Variants in ADAM9 observed in about 807,000 individuals in gnomAD.
ADAM9 encodes the protein ADAM metallopeptidase domain 9.
Under a neutral mutation model 108.1 loss-of-function variants are expected in ADAM9, and 54 were observed. That is an observed-to-expected ratio of 0.50 (90% CI 0.40 to 0.63). The LOEUF (loss-of-function observed/expected upper bound fraction) is 0.63, where lower values mean the gene tolerates loss of function less well. ADAM9 is among the 20% of genes least tolerant of loss of function. The pLI is 0.00. For synonymous variants in ADAM9, 316 were observed against 336.0 expected, an observed-to-expected ratio of 0.94 and a Z score of 0.65; for missense variants, 830 against 997.7, an observed-to-expected ratio of 0.83 and a Z score of 2.26.
intron 14 of ADAM9, among the ~76,000 whole-genome samples, chr8:39,068,027 G>A (rs544508897): frequency 2.6e-5 from 4 of 152,254 alleles, no homozygotes; most frequent in African/African-American, 9.6e-5. Context: ...CTTTGGTTCC[G>A]TTTATATGCT....
At chr8:39,000,667 C>G (rs1304428784) in intron 1 of ADAM9, among the ~76,000 whole-genome samples, 1 of 151,946 alleles carries the variant, frequency 6.6e-6, no homozygotes, top group Non-Finnish European at 1.5e-5. Context: ...CAATCTTGCT[C>G]TGTTGCCCAG....
chr8:39,068,137 C>T (rs1298400013), intron 14 of ADAM9, among the ~76,000 whole-genome samples: 1 of 152,124 alleles, frequency 6.6e-6, no homozygotes, highest in East Asian at 1.9e-4. Context: ...GAGTTTCCAT[C>T]TTTCACATTA....
intron 11 of ADAM9, among the ~76,000 whole-genome samples, chr8:39,036,831 T>C (rs899043015): frequency 1.2e-4 from 19 of 152,168 alleles, no homozygotes; most frequent in African/African-American, 4.6e-4. Context: ...GATTTTGTTA[T>C]GCTTTTTAGT....
chr8:39,082,565 C>A, intron 16 of ADAM9, 76 bp from the exon 17 acceptor site: 1 of 1,061,720 alleles, frequency 9.4e-7, no homozygotes, highest in Non-Finnish European at 1.4e-6. Context: ...TAATCTGTAC[C>A]CAGGTCTTTT....
chr8:39,087,088 C>T (rs950686775), intron 18 of ADAM9, among the ~76,000 whole-genome samples: 4 of 152,210 alleles, frequency 2.6e-5, no homozygotes, highest in African/African-American at 9.6e-5. Context: ...CCCTTTGGTA[C>T]TTTGCCTAGG....
Position 39,044,845 on chromosome 8 carries a change from G to T in ADAM9, c.1302+2728G>T, listed in dbSNP as rs112864261. Among the ~76,000 whole-genome samples the T allele has an allele frequency of 1.4e-3, 210 of 151,300 alleles. 1 individual carries two copies. Among genetic ancestry groups the T allele is most frequent in the African/African-American group, 5.0e-3 (205 of 41,026 alleles). ...TATGGCTACATATAGTATTCCGTGG[G>T]GTGTGTGTATGTGTGTGTGTGTATA... On this transcript the variant is annotated intron_variant, in intron 12 of 21. Transcript: ENST00000487273.
In ADAM9 at chr8:39,077,452, A is replaced by G. The variant is rs185977860; in HGVS notation, c.1881+41A>G. ...TTTATTTACAAAGTAAAATGAAAAA[A>G]ATTAAAAAAATTATTATACATAGTA... is the stretch of plus-strand genomic sequence containing the variant. On this transcript the variant is annotated intron_variant, in intron 16 of 21. Transcript: ENST00000487273. 24 of 1,521,526 alleles carry G rather than the reference A, an allele frequency of 1.6e-5. No homozygotes were observed. The East Asian group carries it at 5.4e-4, about 34-fold the overall frequency. 94.3% of individuals were successfully genotyped at this position (1,521,526 alleles called of 1,614,324 possible). A position where few individuals can be genotyped will look rare whatever the true frequency, so the allele number is the denominator to read the frequency against.
intron 1 of ADAM9, among the ~76,000 whole-genome samples, chr8:39,002,595 A>G (rs1034250257): frequency 1.3e-5 from 2 of 151,992 alleles, no homozygotes; most frequent in African/African-American, 2.4e-5. Flanking sequence ...TGCTGGGACT[A>G]TAGGCTTGAG....
chr8:39,045,604 C>T (rs1837743051), intron 12 of ADAM9, among the ~76,000 whole-genome samples: 3 of 147,922 alleles, frequency 2.0e-5, no homozygotes, highest in Non-Finnish European at 4.4e-5. Context: ...TTTTTCTCAT[C>T]CAGTCGACTG....
At chr8:39,023,077 C>T in intron 8 of ADAM9, 79 bp from the exon 9 acceptor site, 1 of 1,250,354 alleles carries the variant, frequency 8.0e-7, no homozygotes. Context: ...ATTTAAGTAG[C>T]CGTGTTACTT....
At chr8:39,102,074 T>A in intron 21 of ADAM9, 144 bp downstream of exon 21, 1 of 751,192 alleles carries the variant, frequency 1.3e-6, no homozygotes, top group South Asian at 1.7e-5. Flanking sequence ...AGAAAGGTTT[T>A]AAAATAACTT....
intron 14 of ADAM9, among the ~76,000 whole-genome samples, chr8:39,062,977 C>G (rs1321914033): frequency 6.6e-6 from 1 of 152,224 alleles, no homozygotes; most frequent in Non-Finnish European, 1.5e-5. Context: ...TTTTGATTCA[C>G]ATTTCAGCCA....
intron 11 of ADAM9, among the ~76,000 whole-genome samples, chr8:39,033,237 A>G (rs936611124): frequency 7.2e-5 from 11 of 152,226 alleles, no homozygotes; most frequent in Non-Finnish European, 1.2e-4. Context: ...GCTGGCATAT[A>G]GGAAAGTAAT....
rs760187937 is a variant in ADAM9 at position 39,054,490 on chromosome 8, T to C, written c.1312T>C (p.Leu438=). ...CDCGTPKECE[L]DPCCEGSTCK... is the part of the protein sequence containing the mutation. Reference sequence around the variant, plus strand: ...CATTTTATGTTCACAGGAATGTGAATTGGACCCTTGCTGCGAAGGAAGTAC... The same window carrying C: ...CATTTTATGTTCACAGGAATGTGAACTGGACCCTTGCTGCGAAGGAAGTAC... The change falls in exon 13 of 22, where the codon TTG becomes CTG. Residue 438 remains leucine, a synonymous_variant. Transcript: ENST00000487273. The C allele has an allele frequency of 6.2e-7, 1 of 1,612,652 alleles. No homozygotes were observed. The highest frequency in any genetic ancestry group is 1.1e-5 in the South Asian group (1 of 91,050).
At chr8:39,070,088 G>A (rs1322288905) in intron 14 of ADAM9, among the ~76,000 whole-genome samples, 1 of 146,116 alleles carries the variant, frequency 6.8e-6, no homozygotes, top group Non-Finnish European at 1.5e-5. Context: ...GTGAGGTAAA[G>A]GCTGCAGTGA....
intron 2 of ADAM9, 88 bp downstream of exon 2, chr8:39,008,071 T>G: frequency 1.1e-6 from 1 of 948,010 alleles, no homozygotes; most frequent in Middle Eastern, 2.2e-4. Flanking sequence ...CAGTGATCAG[T>G]TCAGTGAGTT....
chr8:39,054,526 A>G lies in ADAM9; in HGVS notation c.1348A>G (p.Lys450Glu). The G allele has an allele frequency of 6.2e-7, 1 of 1,612,904 alleles. No homozygotes were observed. The highest frequency in any genetic ancestry group is 8.5e-7 in the Non-Finnish European group (1 of 1,179,434). Residue 450 changes from lysine to glutamate, a missense_variant, in exon 13 of 22, where the codon AAA becomes GAA. By Grantham distance (56) the Lys-to-Glu change is moderately conservative. Coordinates refer to ENST00000487273, the MANE Select transcript of ADAM9 (RefSeq NM_003816.3). ...CTGCGAAGGAAGTACCTGTAAGCTT[A>G]AATCATTTGCTGAGTGTGCATATGG... ...PCCEGSTCKL[K>E]SFAECAYGDC...
intron 20 of ADAM9, among the ~76,000 whole-genome samples, chr8:39,095,021 G>A (rs1839459472): frequency 6.6e-6 from 1 of 152,108 alleles, no homozygotes; most frequent in Non-Finnish European, 1.5e-5. Flanking sequence ...TTTAAAAAAT[G>A]TAGGCACTTA....
rs1369144594 is a variant in ADAM9 at position 39,090,096 on chromosome 8, T to G, written c.2118T>G (p.Ile706Met). ...GACTTCTGGTCTTCTTCTTCCTAAT[T>G]GTTCCCCTTATTGTCTGTGCTATTT... ...RDGLLVFFFLIVPLIVCAIFI... is the reference protein window; with the variant it reads ...RDGLLVFFFLMVPLIVCAIFI... Residue 706 changes from isoleucine (I) to methionine (M), a missense_variant, in exon 19 of 22, where the codon ATT (isoleucine) becomes ATG (methionine). Around this residue, in one of 3 missense-constraint regions of ADAM9, gnomAD observed 238 missense variants for 235.7 expected, o/e 1.01. Coordinates refer to ENST00000487273, the MANE Select transcript of ADAM9 (RefSeq NM_003816.3). 8 of 1,613,866 alleles carry G rather than the reference T, an allele frequency of 5.0e-6. No homozygotes were observed. Among genetic ancestry groups the G allele is most frequent in the African/African-American group, 1.3e-5 (1 of 74,920 alleles).
Sources: gnomAD v4.1 joint callset for allele counts (sites outside exome capture counted in the v4.1 genomes callset) on GRCh38, gnomAD v4.1.1 for gene constraint, gnomAD v4.1.1 regional missense constraint, MANE v1.5 for transcripts, NCBI Gene and HGNC (gene_info 2026-07-23, HGNC 2026-07-21) for gene names.